The following LY75 variants were observed in gnomAD, a reference collection of about 807,000 sequenced individuals.
LY75 encodes lymphocyte antigen 75, also known as C-type lectin domain family 13 member B.
Under a neutral mutation model 231.7 loss-of-function variants are expected in LY75, and 185 were observed. That is an observed-to-expected ratio of 0.80 (90% CI 0.71 to 0.90). The LOEUF is 0.90. LY75 is among the 40% of genes least tolerant of loss of function. The pLI, the probability that LY75 is intolerant of heterozygous loss-of-function variation, is 0.00. For synonymous variants in LY75, 668 were observed against 689.0 expected (o/e 0.97, Z 0.48); for missense variants, 1,947 against 2,050.2 (o/e 0.95, Z 0.97).
At chr2:159,881,324 G>A in intron 7 of LY75, 84 bp from the exon 8 acceptor site, 4 of 1,432,734 alleles carry the variant, frequency 2.8e-6, no homozygotes, top group Non-Finnish European at 3.7e-6. Flanking sequence ...TTTATATTCT[G>A]ATATGGAGTT....
intron 1 of LY75, among the ~76,000 whole-genome samples, chr2:159,900,070 A>T (rs1200799159): frequency 1.3e-5 from 2 of 152,200 alleles, no homozygotes; most frequent in Non-Finnish European, 2.9e-5. Flanking sequence ...ACCAGATACA[A>T]GATCCTGTGG....
In LY75 at chr2:159,804,327, C is replaced by T. The variant is rs1682734648; in HGVS notation, c.*717G>A. On this transcript the variant is annotated 3_prime_UTR_variant, in exon 35 of 35. Transcript: ENST00000263636. ...GTCACGAGTTCGAGACCAGCCTGGC[C>T]AACATGGTGAAACCCCATCTCTACT... 6.6e-6 allele frequency: 1 copy of T among 152,168 alleles called. No homozygotes were observed. Among genetic ancestry groups the T allele is most frequent in the South Asian group, 2.1e-4 (1 of 4,822 alleles). 9.4% of individuals were successfully genotyped at this position (152,168 alleles called of 1,614,324 possible).
Position 159,893,944 on chromosome 2 carries a change from C to A in LY75, c.607G>T (p.Asp203Tyr). The change falls in exon 3 of 35, where the codon GAC becomes TAC. Residue 203 changes from aspartate to tyrosine, a missense_variant. Asp to Tyr is a radical substitution (Grantham distance 160). Transcript: ENST00000263636. ...WCATTLNYEYDRKWGICLKPE... is the reference protein window; with the variant it reads ...WCATTLNYEYYRKWGICLKPE... The stretch of plus-strand genomic sequence containing the variant: ...TTTAAGCAGATGCCCCACTTTCGGT[C>A]ATATTCATAATTTAAGGTGGTGGCA... The A allele has an allele frequency of 6.2e-7, 1 of 1,613,000 alleles. No homozygotes were observed. The highest frequency in any genetic ancestry group is 1.1e-5 in the South Asian group (1 of 90,842).
At chr2:159,812,065 T>C (rs1203313802) in intron 31 of LY75, among the ~76,000 whole-genome samples, 1 of 152,202 alleles carries the variant, frequency 6.6e-6, no homozygotes, top group Non-Finnish European at 1.5e-5. Context: ...CAATTGTTAA[T>C]GCAAAACTTG....
At chr2:159,814,695 G>T (rs1483137471) in intron 31 of LY75, among the ~76,000 whole-genome samples, 2 of 149,102 alleles carry the variant, frequency 1.3e-5, no homozygotes, top group Non-Finnish European at 3.0e-5. Flanking sequence ...AAAGAAAAAA[G>T]AAAAGAAAAG....
At chr2:159,901,970 G>C (rs1189657649) in intron 1 of LY75, among the ~76,000 whole-genome samples, 1 of 152,136 alleles carries the variant, frequency 6.6e-6, no homozygotes, top group Admixed American at 6.5e-5. Context: ...TCAGTCTTAC[G>C]ACCCTTATTG....
rs1683750381 is a variant in LY75 at position 159,834,148 on chromosome 2, G to A, written c.3737C>T (p.Thr1246Ile). ...ACAGTTCTGAAATGGTATCCACGGA[G>A]TATTTAGAACAGGAGATGGACATTT... ...SVKCPSPVLNTPWIPFQNCCY... is the reference protein window; with the variant it reads ...SVKCPSPVLNIPWIPFQNCCY... The change falls in exon 27 of 35, where the codon ACT becomes ATT. Residue 1246 changes from threonine (T) to isoleucine (I), a missense_variant. Physicochemically the swap from Thr to Ile is moderately conservative, Grantham distance 89. Coordinates refer to ENST00000263636, the MANE Select transcript of LY75 (RefSeq NM_002349.4). 1 of 1,614,042 alleles carries A rather than the reference G, an allele frequency of 6.2e-7. No homozygotes were observed. Among genetic ancestry groups the A allele is most frequent in the East Asian group, 2.2e-5 (1 of 44,856 alleles).
chr2:159,868,228 G>A (rs982080602), intron 13 of LY75, among the ~76,000 whole-genome samples: 9 of 152,148 alleles, frequency 5.9e-5, no homozygotes, highest in Non-Finnish European at 1.3e-4. Context: ...TTAACTGCTA[G>A]GATCAGAGTA....
At chr2:159,864,775 A>G (rs1310677571) in intron 14 of LY75, 64 bp downstream of exon 14, 5 of 1,437,258 alleles carry the variant, frequency 3.5e-6, no homozygotes, top group African/African-American at 2.9e-5. Flanking sequence ...TTATTTAACA[A>G]TCAACTTGTT....
intron 13 of LY75, among the ~76,000 whole-genome samples, chr2:159,866,946 G>A (rs1684874461): frequency 6.6e-6 from 1 of 152,034 alleles, no homozygotes; most frequent in Non-Finnish European, 1.5e-5. Flanking sequence ...AACTTTCTAG[G>A]CTCCTCAAGC....
At chr2:159,887,675 A>C (rs1050620334) in intron 4 of LY75, among the ~76,000 whole-genome samples, 1 of 152,076 alleles carries the variant, frequency 6.6e-6, no homozygotes, top group Non-Finnish European at 1.5e-5. Flanking sequence ...AATTAGGCGT[A>C]TTGATATGCC....
At chr2:159,811,677 G>A (rs1033123284) in intron 31 of LY75, among the ~76,000 whole-genome samples, 2 of 152,154 alleles carry the variant, frequency 1.3e-5, no homozygotes, top group Non-Finnish European at 2.9e-5. Flanking sequence ...TGATTAGAGA[G>A]GAATGGCGGC....
chr2:159,842,999 C>A, intron 23 of LY75, among the ~76,000 whole-genome samples: 1 of 150,990 alleles, frequency 6.6e-6, no homozygotes. Flanking sequence ...CAAAAATGAA[C>A]TAAAATAATT....
rs775453384 is a variant in LY75, at chr2:159,882,209, C to T, written c.1161G>A (p.Ala387=). ...NESNSWDKAH[A]KCKAFSSDLI... ...GGTCACTACTGAAGGCTTTGCATTT[C>T]GCATGTGCCTTATCCCAGGAATTAC... The change falls in exon 7 of 35, where the codon GCG becomes GCA. Residue 387 remains alanine (A), a synonymous_variant. Transcript: ENST00000263636. 12 of 1,613,928 alleles carry T rather than the reference C, an allele frequency of 7.4e-6. No homozygotes were observed. Among genetic ancestry groups the T allele is most frequent in the African/African-American group, 2.7e-5 (2 of 74,912 alleles).
intron 13 of LY75, among the ~76,000 whole-genome samples, chr2:159,870,034 T>G (rs540960743): frequency 6.6e-6 from 1 of 152,286 alleles, no homozygotes; most frequent in African/African-American, 2.4e-5. Flanking sequence ...TACCTGAGAT[T>G]CTACGATAGA....
rs528102084 is a variant in LY75 at position 159,864,266 on chromosome 2, GT to G, written c.2199+572del. On this transcript the variant is annotated intron_variant, in intron 14 of 34. Coordinates refer to ENST00000263636, the MANE Select transcript of LY75 (RefSeq NM_002349.4). ...GATGTAATCCCATTTGTCTATTTTG[GT>G]TTTTGTTGTCTGTGTTTTTGAGTTC... Among the ~76,000 whole-genome samples the G allele has an allele frequency of 7.4e-4, 112 of 152,056 alleles. 1 individual carries two copies. The highest frequency in any genetic ancestry group is 2.5e-3 in the African/African-American group (105 of 41,462).
chr2:159,825,814 C>T (rs1683447955), intron 28 of LY75, among the ~76,000 whole-genome samples: 1 of 152,132 alleles, frequency 6.6e-6, no homozygotes, highest in Non-Finnish European at 1.5e-5. Flanking sequence ...ATATGCAAAT[C>T]AATAAACATA....
chr2:159,815,695 T>TAA, intron 30 of LY75, 122 bp from the exon 31 acceptor site: 1 of 1,249,284 alleles, frequency 8.0e-7, no homozygotes, highest in African/African-American at 1.5e-5. Context: ...CTTACAGTAT[T>TAA]GTAGGTCTGA....
At chr2:159,850,789 T>TATATATATAA (rs1553805702) in intron 21 of LY75, among the ~76,000 whole-genome samples, 1 of 88,660 alleles carries the variant, frequency 1.1e-5, no homozygotes, top group Non-Finnish European at 2.6e-5. Flanking sequence ...TATATATATA[T>TATATATATAA]ATATATATAT....
Sources: allele counts gnomAD v4.1 joint callset (sites outside exome capture counted in the v4.1 genomes callset), GRCh38; gene constraint gnomAD v4.1.1; transcripts MANE v1.5; gene names NCBI Gene and HGNC (gene_info 2026-07-23, HGNC 2026-07-21).